The following SELENOO variants were observed in gnomAD, a reference collection of about 807,000 sequenced individuals.
The protein encoded by SELENOO is selenoprotein O, also known as protein adenylyltransferase SelO, mitochondrial.
SELENOO carries 74 observed loss-of-function variants against 58.7 expected under a neutral mutation model. That is an observed-to-expected ratio of 1.26 (90% CI 1.04 to 1.53). The LOEUF (loss-of-function observed/expected upper bound fraction) is 1.53, where lower values mean the gene tolerates loss of function less well. SELENOO is among the 40% of genes most tolerant of loss of function. SELENOO has a pLI of 0.00. For missense variants in SELENOO, 1,149 were observed against 970.0 expected (o/e 1.18, Z -2.45); for synonymous variants, 543 against 453.2 (o/e 1.20, Z -2.52).
At chr22:50,213,900 G>C (rs1012270613) in intron 5 of SELENOO, among the ~76,000 whole-genome samples, 1 of 151,490 alleles carries the variant, frequency 6.6e-6, no homozygotes, top group African/African-American at 2.4e-5. Context: ...CACCTGCCTC[G>C]GCCTCCCAAA....
rs774148905 is a variant in SELENOO at position 50,217,069 on chromosome 22, C to T, written c.1786C>T (p.Leu596=). ...VMHANNPKYV[L]RNYIAQNAIE... ...GCACGCCAACAACCCGAAGTACGTG[C>T]TGAGGAACTACATCGCGCAGAATGC... Residue 596 remains leucine (L), a synonymous_variant, in exon 8 of 9, where the codon CTG becomes TTG. Coordinates refer to ENST00000380903, the MANE Select transcript of SELENOO (RefSeq NM_031454.2). The T allele has an allele frequency of 1.9e-5, 31 of 1,612,786 alleles. No homozygotes were observed. The highest frequency in any genetic ancestry group is 3.3e-4 in the Middle Eastern group (2 of 6,084).
At chr22:50,215,542 GGT>G in intron 5 of SELENOO, among the ~76,000 whole-genome samples, 173 bp from the exon 6 acceptor site, 1 of 151,280 alleles carries the variant, frequency 6.6e-6, no homozygotes, top group East Asian at 2.0e-4. Context: ...CCAGGTGGAG[GGT>G]GTGGGTCAGG....
At chr22:50,210,146 C>G (rs751538310) in intron 3 of SELENOO, 35 bp from the exon 4 acceptor site, 1 of 1,603,670 alleles carries the variant, frequency 6.2e-7, no homozygotes, top group Non-Finnish European at 8.5e-7. Flanking sequence ...TGGGCAGGAC[C>G]CCGAGGAGGG....
chr22:50,214,633 C>T (rs1372992331), intron 5 of SELENOO, among the ~76,000 whole-genome samples: 11 of 151,776 alleles, frequency 7.2e-5, no homozygotes, highest in Middle Eastern at 3.4e-3. Context: ...GGCATGGTGG[C>T]GGATGCCTGT....
intron 1 of SELENOO, 62 bp downstream of exon 1, chr22:50,201,652 G>C: frequency 8.6e-7 from 1 of 1,162,996 alleles, no homozygotes; most frequent in Non-Finnish European, 1.1e-6. Context: ...CCTTCCCTCC[G>C]CCCGGCGCGG....
intron 6 of SELENOO, 41 bp from the exon 7 acceptor site, chr22:50,216,643 AGGGACAC>A: frequency 6.6e-7 from 1 of 1,509,798 alleles, no homozygotes; most frequent in Non-Finnish European, 8.9e-7. Flanking sequence ...CCTGCAGGGC[AGGGACAC>A]GGTCAGGGGC....
chr22:50,208,824 C>A, intron 3 of SELENOO, 108 bp downstream of exon 3: 1 of 1,093,216 alleles, frequency 9.1e-7, no homozygotes, highest in Non-Finnish European at 1.3e-6. Flanking sequence ...TACCCAGCCT[C>A]CCCGCCCTTC....
intron 5 of SELENOO, 102 bp downstream of exon 5, chr22:50,211,013 C>A: frequency 7.9e-7 from 1 of 1,273,438 alleles, no homozygotes; most frequent in South Asian, 1.3e-5. Flanking sequence ...CAGTCACTCC[C>A]TGGGCCCACC....
In SELENOO at chr22:50,217,262, A is replaced by G. The variant is rs2064426828; in HGVS notation, c.1903A>G (p.Thr635Ala). The G allele has an allele frequency of 6.2e-7, 1 of 1,611,880 alleles. No individual in the cohort carries two copies. The highest frequency in any genetic ancestry group is 8.5e-7 in the Non-Finnish European group (1 of 1,179,568). ...TPYHCEAGAA[T>A]DAEATEADGA... The stretch of plus-strand genomic sequence containing the variant: ...TTACCACTGCGAGGCGGGGGCCGCC[A>G]CAGACGCCGAGGCCACGGAAGCCGA... Residue 635 changes from threonine to alanine, a missense_variant, in exon 9 of 9, where the codon ACA (threonine) becomes GCA (alanine). Transcript: ENST00000380903.
At position 50,210,275 on chromosome 22, in the gene SELENOO, T is replaced by C. The variant is rs1321825432; in HGVS notation, c.1034T>C (p.Leu345Pro). ...LNTDNMSILG[L>P]TIDYGPFGFL... ...ACCGACAACATGAGCATCCTGGGGC[T>C]CACCATCGACTACGGGCCCTTTGGC... Residue 345 changes from leucine (L) to proline (P), a missense_variant, in exon 4 of 9, where the codon CTC becomes CCC. Leu to Pro is a moderately conservative substitution (Grantham distance 98). Transcript: ENST00000380903. The C allele has an allele frequency of 2.5e-6, 4 of 1,613,176 alleles. No individual in the cohort carries two copies. In the South Asian group the frequency reaches 3.3e-5, roughly 13 times the overall value.
intron 6 of SELENOO, 140 bp from the exon 7 acceptor site, chr22:50,216,551 C>T (rs1355346658): frequency 5.1e-6 from 4 of 777,772 alleles, no homozygotes; most frequent in African/African-American, 1.7e-5. Context: ...AGTGGGGTTC[C>T]AGGGACCTCG....
At chr22:50,203,549 G>A (rs2064315189) in intron 1 of SELENOO, among the ~76,000 whole-genome samples, 1 of 152,182 alleles carries the variant, frequency 6.6e-6, no homozygotes, top group South Asian at 2.1e-4. Flanking sequence ...ATGGAATAAA[G>A]AGCCTAGAAA....
At chr22:50,205,639 A>G (rs1036200690) in intron 1 of SELENOO, 1 of 152,338 alleles carries the variant, frequency 6.6e-6, no homozygotes, top group African/African-American at 2.4e-5. Flanking sequence ...ATAATTGAAG[A>G]AAAAGGGGGC....
intron 1 of SELENOO, chr22:50,205,565 TA>T (rs1487507424): frequency 6.6e-6 from 1 of 152,098 alleles, no homozygotes; most frequent in African/African-American, 2.4e-5. Context: ...ACCCTGTCTT[TA>T]AAAAACAAAA....
intron 1 of SELENOO, among the ~76,000 whole-genome samples, chr22:50,204,450 A>T (rs1361323918): frequency 1.3e-5 from 2 of 151,852 alleles, no homozygotes; most frequent in Non-Finnish European, 2.9e-5. Context: ...AACATGGTGA[A>T]ACCCCAGCTC....
chr22:50,210,887 C>T lies in SELENOO; in HGVS notation c.1327C>T (p.Leu443Phe). 2 of 1,614,114 alleles carry T rather than the reference C, an allele frequency of 1.2e-6. No homozygotes were observed. Among genetic ancestry groups the T allele is most frequent in the Non-Finnish European group, 1.7e-6 (2 of 1,180,024 alleles). Residue 443 changes from leucine to phenylalanine, a missense_variant, in exon 5 of 9, where the codon CTC becomes TTC. By Grantham distance (22) the Leu-to-Phe change is conservative. Transcript: ENST00000380903. ...GGAAGACGGGGCGCTGGTGTCCAAG[C>T]TCCTGGAGACCATGCATCTGACCGG... The part of the protein sequence containing the change: ...LEEDGALVSK[L>F]LETMHLTGAD...
At chr22:50,205,891 G>T in intron 1 of SELENOO, 1 of 184,000 alleles carries the variant, frequency 5.4e-6, no homozygotes, top group Non-Finnish European at 1.1e-5. Flanking sequence ...GTGGGTGTGG[G>T]GGCCCCGGCA....
At chr22:50,211,025 C>T (rs1284800456) in intron 5 of SELENOO, 114 bp downstream of exon 5, 2 of 1,082,988 alleles carry the variant, frequency 1.8e-6, no homozygotes, top group East Asian at 2.4e-5. Context: ...GGGCCCACCC[C>T]AGCCCTGGCA....
rs1289834805 is a variant in SELENOO at position 50,217,147 on chromosome 22, C to G, written c.1845+19C>G. The stretch of plus-strand genomic sequence containing the variant: ...CTCAGAGGCAAGCACACGCCTGTCC[C>G]TGTGGTCCCTGGGAGGGGGGTCGGC... On this transcript the variant is annotated intron_variant, in intron 8 of 8. Transcript: ENST00000380903. 1 of 1,611,348 alleles carries G rather than the reference C, an allele frequency of 6.2e-7. No individual in the cohort carries two copies. Among genetic ancestry groups the G allele is most frequent in the Non-Finnish European group, 8.5e-7 (1 of 1,178,584 alleles).
Sources: allele counts gnomAD v4.1 joint callset (sites outside exome capture counted in the v4.1 genomes callset), GRCh38; gene constraint gnomAD v4.1.1; transcripts MANE v1.5; gene names NCBI Gene and HGNC (gene_info 2026-07-23, HGNC 2026-07-21).